The following PRR16 variants were observed in gnomAD, a reference collection of about 807,000 sequenced individuals.
PRR16 encodes protein Largen.
In PRR16, 6 loss-of-function variants were observed where a neutral mutation model predicts 18.2. That is an observed-to-expected ratio of 0.33 (90% CI 0.18 to 0.65). The LOEUF is 0.65. Ranked by LOEUF, PRR16 falls within the 30% of genes least tolerant of loss-of-function variation. The probability of loss-of-function intolerance (pLI) is 0.74; values close to 1 mark genes in which losing one functional copy is unlikely to be tolerated. For missense variants in PRR16, 412 were observed against 376.6 expected (o/e 1.09, Z -0.78); for synonymous variants, 151 against 147.8 (o/e 1.02, Z -0.16).
the PRR16 span, among the ~76,000 whole-genome samples, chr5:120,696,985 AAAGTT>A: frequency 5.9e-5 from 9 of 152,324 alleles, no homozygotes; most frequent in East Asian, 1.3e-3. Context: ...AAGAAAATAA[AAAGTT>A]AGGCCCTTAA....
intron 1 of PRR16, among the ~76,000 whole-genome samples, chr5:120,571,021 T>C (rs997975144): frequency 1.6e-4 from 24 of 152,246 alleles, no homozygotes; most frequent in African/African-American, 5.3e-4. Flanking sequence ...GTTATTGTGA[T>C]GTTATTTTAT....
chr5:120,669,232 T>G (rs1255890376), intron 1 of PRR16, among the ~76,000 whole-genome samples: 1 of 152,138 alleles, frequency 6.6e-6, no homozygotes, highest in East Asian at 1.9e-4. Context: ...TGTTTGAATA[T>G]CTGTAAATTT....
At chr5:120,640,236 AC>A (rs1298502997) in intron 1 of PRR16, among the ~76,000 whole-genome samples, 5 of 152,200 alleles carry the variant, frequency 3.3e-5, no homozygotes, top group Non-Finnish European at 7.4e-5. Flanking sequence ...CATACCTCGT[AC>A]CTCAGCAACA....
chr5:120,519,685 G>A (rs530207402), intron 1 of PRR16, among the ~76,000 whole-genome samples: 5 of 152,018 alleles, frequency 3.3e-5, no homozygotes, highest in Non-Finnish European at 7.4e-5. Flanking sequence ...GCTATTGTAT[G>A]TCTCAGCATA....
the PRR16 span, among the ~76,000 whole-genome samples, chr5:120,722,924 T>C: frequency 2.6e-5 from 4 of 151,594 alleles, 1 homozygote; most frequent in African/African-American, 9.7e-5. Flanking sequence ...TCTATCTCTA[T>C]ATTTACATCT....
the PRR16 span, among the ~76,000 whole-genome samples, chr5:120,719,845 A>G: frequency 6.6e-6 from 1 of 152,032 alleles, no homozygotes; most frequent in Non-Finnish European, 1.5e-5. Context: ...ATATGAATTT[A>G]TGTTAGGTGA....
intron 1 of PRR16, among the ~76,000 whole-genome samples, chr5:120,643,287 A>T (rs1346975279): frequency 1.3e-5 from 2 of 151,998 alleles, no homozygotes; most frequent in Non-Finnish European, 2.9e-5. Context: ...CTATTTTATT[A>T]TGAGTTAAGT....
intron 1 of PRR16, among the ~76,000 whole-genome samples, chr5:120,497,307 C>T (rs1225990824): frequency 6.9e-6 from 1 of 145,924 alleles, no homozygotes; most frequent in Non-Finnish European, 1.5e-5. Flanking sequence ...TTGAACTGTT[C>T]AACTATAATT....
chr5:120,603,651 G>A (rs1042930871), intron 1 of PRR16, among the ~76,000 whole-genome samples: 6 of 151,668 alleles, frequency 4.0e-5, no homozygotes, highest in African/African-American at 1.5e-4. Context: ...TGTGATGTTA[G>A]GTTAACTTGA....
chr5:120,647,080 A>G (rs1432369763), intron 1 of PRR16, among the ~76,000 whole-genome samples: 2 of 152,008 alleles, frequency 1.3e-5, no homozygotes, highest in African/African-American at 4.8e-5. Flanking sequence ...AGTCAGATTA[A>G]ATGCCTTCGA....
chr5:120,755,978 G>T, the PRR16 span, among the ~76,000 whole-genome samples: 2 of 151,998 alleles, frequency 1.3e-5, no homozygotes, highest in Non-Finnish European at 2.9e-5. Flanking sequence ...GTTTCCCATT[G>T]GTTACTTAGT....
intron 1 of PRR16, among the ~76,000 whole-genome samples, chr5:120,598,306 A>G (rs1299583690): frequency 2.0e-5 from 3 of 151,926 alleles, no homozygotes; most frequent in East Asian, 1.9e-4. Context: ...TTTAAAATAA[A>G]CTAATTAATT....
intron 1 of PRR16, among the ~76,000 whole-genome samples, chr5:120,640,277 G>A (rs991823419): frequency 2.1e-4 from 29 of 140,966 alleles, no homozygotes; most frequent in African/African-American, 7.5e-4. Flanking sequence ...AAACCTGCAC[G>A]TGTACCCCTG....
chr5:120,771,998 G>A, the PRR16 span, among the ~76,000 whole-genome samples: 1 of 151,900 alleles, frequency 6.6e-6, no homozygotes, highest in Non-Finnish European at 1.5e-5. Context: ...GTGTCAGATT[G>A]ATATTATATC....
chr5:120,764,933 G>A, the PRR16 span, among the ~76,000 whole-genome samples: 1 of 151,938 alleles, frequency 6.6e-6, no homozygotes, highest in African/African-American at 2.4e-5. Flanking sequence ...TCATTTCCTA[G>A]GATGCCTGTG....
chr5:120,725,259 A>G, the PRR16 span, among the ~76,000 whole-genome samples: 7 of 151,358 alleles, frequency 4.6e-5, no homozygotes, highest in Non-Finnish European at 1.0e-4. Context: ...CTTAAGTCTC[A>G]TATTCAGGAC....
At chr5:120,530,281 A>ATATATATATATATATT (rs1447791509) in intron 1 of PRR16, among the ~76,000 whole-genome samples, 12 of 92,688 alleles carry the variant, frequency 1.3e-4, no homozygotes, top group African/African-American at 4.7e-4. Flanking sequence ...ATATATATAT[A>ATATATATATATATATT]TATTTATTTA....
At chr5:120,473,369 T>C (rs1423855867) in intron 1 of PRR16, among the ~76,000 whole-genome samples, 2 of 152,150 alleles carry the variant, frequency 1.3e-5, no homozygotes, top group African/African-American at 4.8e-5. Context: ...GGTGGCATAG[T>C]ATAGAAGGGT....
chr5:120,503,448 T>A (rs1750532772), intron 1 of PRR16, among the ~76,000 whole-genome samples: 1 of 152,146 alleles, frequency 6.6e-6, no homozygotes, highest in African/African-American at 2.4e-5. Context: ...GACTCAGAGT[T>A]ATTGCAGGGA....
Sources: allele counts gnomAD v4.1 joint callset (sites outside exome capture counted in the v4.1 genomes callset), GRCh38; gene constraint gnomAD v4.1.1; transcripts MANE v1.5; gene names NCBI Gene and HGNC (gene_info 2026-07-23, HGNC 2026-07-21).